Variants in PHF11 observed in about 807,000 individuals in gnomAD.
PHF11 encodes the protein BRCA1 C-terminus-associated protein.
In PHF11, 38 loss-of-function variants were observed where a neutral mutation model predicts 40.5. The observed-to-expected ratio is 0.94, with a 90% CI of 0.72 to 1.23. PHF11 has a LOEUF of 1.23. PHF11 is among the 50% of genes most tolerant of loss of function. The pLI, the probability that PHF11 is intolerant of heterozygous loss-of-function variation, is 0.00. For missense variants in PHF11, 369 were observed against 392.4 expected (o/e 0.94, Z 0.50); for synonymous variants, 127 against 138.2 (o/e 0.92, Z 0.57).
At chr13:49,523,822 A>T (rs186194350) in intron 7 of PHF11, 349 of 262,348 alleles carry the variant, frequency 1.3e-3, no homozygotes, top group South Asian at 2.6e-3. Context: ...TTATATGTTT[A>T]AAAAAGCCTC....
chr13:49,498,036 A>G (rs1958841540), intron 1 of PHF11, among the ~76,000 whole-genome samples: 1 of 152,068 alleles, frequency 6.6e-6, no homozygotes, highest in Non-Finnish European at 1.5e-5. Context: ...CTTTCTCTAT[A>G]GTACTTATCA....
chr13:49,504,817 T>A (rs1478873490), intron 1 of PHF11, among the ~76,000 whole-genome samples: 1 of 151,472 alleles, frequency 6.6e-6, no homozygotes, highest in East Asian at 1.9e-4. Flanking sequence ...ATGGTTGCCG[T>A]GTCTGTGTAG....
chr13:49,525,825 GAC>G (rs1219828065), intron 8 of PHF11: 1 of 456,234 alleles, frequency 2.2e-6, no homozygotes, highest in East Asian at 7.0e-5. Context: ...GGCTGGTGAG[GAC>G]ACAGATAGCT....
At chr13:49,523,983 G>A (rs1183175154) in intron 7 of PHF11, 102 bp from the exon 8 acceptor site, 7 of 797,640 alleles carry the variant, frequency 8.8e-6, no homozygotes, top group Non-Finnish European at 1.2e-5. Flanking sequence ...TACTAAGTAT[G>A]TGCATCCACC....
intron 6 of PHF11, 58 bp from the exon 7 acceptor site, chr13:49,523,117 G>C: frequency 8.5e-7 from 1 of 1,171,522 alleles, no homozygotes; most frequent in Non-Finnish European, 1.3e-6. Context: ...CAAAAGACTG[G>C]TTTTCATTTT....
Position 49,528,718 on chromosome 13 carries a change from A to C in PHF11, c.*53A>C, listed in dbSNP as rs1959420280. 1.5e-6 allele frequency: 2 copies of C among 1,318,574 alleles called. No homozygotes were observed. The highest frequency in any genetic ancestry group is 2.1e-6 in the Non-Finnish European group (2 of 944,028). The allele number at this position is 1,318,574 out of a possible 1,614,324, so 81.7% of individuals were successfully genotyped here. ...ATGTCAAATTGCAATCAGGCTCAAA[A>C]CCAGAGACCAGGCTGTGAAATCCAC... On this transcript the variant is annotated 3_prime_UTR_variant, in exon 10 of 10. Coordinates refer to ENST00000378319, the MANE Select transcript of PHF11 (RefSeq NM_001040443.3).
chr13:49,504,643 G>A (rs1457340555), intron 1 of PHF11, among the ~76,000 whole-genome samples: 2 of 150,266 alleles, frequency 1.3e-5, no homozygotes, highest in African/African-American at 2.5e-5. Flanking sequence ...GGTGAGAGGC[G>A]CCTCTGCCCG....
chr13:49,509,543 T>C (rs1392274700), intron 2 of PHF11, among the ~76,000 whole-genome samples: 1 of 152,160 alleles, frequency 6.6e-6, no homozygotes, highest in Non-Finnish European at 1.5e-5. Flanking sequence ...TAAGGTGATA[T>C]GCTTTGGCTG....
intron 8 of PHF11, among the ~76,000 whole-genome samples, chr13:49,524,504 C>T (rs1202781926): frequency 4.3e-4 from 64 of 148,672 alleles, no homozygotes; most frequent in Middle Eastern, 3.2e-3. Flanking sequence ...GACGGAGTTT[C>T]GCCCTTGTTG....
intron 7 of PHF11, chr13:49,523,541 C>T (rs1360086099): frequency 5.1e-6 from 2 of 389,810 alleles, no homozygotes; most frequent in Non-Finnish European, 9.1e-6. Context: ...CACACTGTGA[C>T]CCCTGTAACT....
At chr13:49,505,634 T>G in intron 1 of PHF11, among the ~76,000 whole-genome samples, 1 of 152,250 alleles carries the variant, frequency 6.6e-6, no homozygotes, top group East Asian at 1.9e-4. Flanking sequence ...CGAATTCTTG[T>G]GGCCAAATAG....
intron 1 of PHF11, among the ~76,000 whole-genome samples, chr13:49,498,244 C>T (rs1163164085): frequency 1.3e-5 from 2 of 152,208 alleles, no homozygotes; most frequent in African/African-American, 4.8e-5. Flanking sequence ...AATGAATGTA[C>T]TTGTATATAA....
At chr13:49,516,824 A>G (rs1451189137) in intron 3 of PHF11, among the ~76,000 whole-genome samples, 1 of 151,994 alleles carries the variant, frequency 6.6e-6, no homozygotes, top group Non-Finnish European at 1.5e-5. Context: ...GGCTCAAGCA[A>G]TCCTCCTGCC....
chr13:49,521,179 C>T, intron 5 of PHF11: 1 of 1,157,054 alleles, frequency 8.6e-7, no homozygotes, highest in South Asian at 3.8e-5. Flanking sequence ...TTTCATTCTC[C>T]CTACGCTCAC....
intron 1 of PHF11, chr13:49,496,444 C>A: frequency 9.6e-7 from 1 of 1,039,742 alleles, no homozygotes. Context: ...CCCCTCCGCT[C>A]ACCGGTAAAC....
At chr13:49,520,679 T>C (rs1181555735) in intron 4 of PHF11, among the ~76,000 whole-genome samples, 2 of 152,084 alleles carry the variant, frequency 1.3e-5, no homozygotes, top group Non-Finnish European at 2.9e-5. Context: ...CATAATCATC[T>C]TCCTAAGTCC....
chr13:49,524,477 CTTT>C (rs59326982), intron 8 of PHF11, among the ~76,000 whole-genome samples: 1 of 143,452 alleles, frequency 7.0e-6, no homozygotes. Context: ...TTACCTCATT[CTTT>C]TTTTTTTTTT....
chr13:49,518,896 C>G (rs961264396), intron 4 of PHF11: 8 of 145,936 alleles, frequency 5.5e-5, no homozygotes, highest in African/African-American at 2.1e-4. Context: ...AGTGCAGTGG[C>G]GCGATCTCGG....
At chr13:49,498,130 A>T (rs1191725636) in intron 1 of PHF11, among the ~76,000 whole-genome samples, 1 of 152,232 alleles carries the variant, frequency 6.6e-6, no homozygotes, top group African/African-American at 2.4e-5. Context: ...ACTCTCTTCT[A>T]TCCTTAGTGC....
Sources: gnomAD v4.1 joint callset for allele counts (sites outside exome capture counted in the v4.1 genomes callset) on GRCh38, gnomAD v4.1.1 for gene constraint, MANE v1.5 for transcripts, NCBI Gene and HGNC (gene_info 2026-07-23, HGNC 2026-07-21) for gene names.